Variants in SPATS2 observed in about 807,000 individuals in gnomAD.
SPATS2 encodes the protein spermatogenesis associated serine rich 2, also known as spermatogenesis-associated serine-rich protein 2.
Under a neutral mutation model 63.7 loss-of-function variants are expected in SPATS2, and 38 were observed. The observed-to-expected ratio is 0.60, with a 90% CI of 0.46 to 0.78. SPATS2 has a LOEUF of 0.78. SPATS2 is among the 30% of genes least tolerant of loss of function. The pLI, the probability that SPATS2 is intolerant of heterozygous loss-of-function variation, is 0.00. For missense variants in SPATS2, 588 were observed against 666.2 expected, an observed-to-expected ratio of 0.88 and a Z score of 1.29; for synonymous variants, 207 against 232.9, an observed-to-expected ratio of 0.89 and a Z score of 1.01.
intron 2 of SPATS2, among the ~76,000 whole-genome samples, chr12:49,437,277 C>G (rs1474354681): frequency 1.3e-5 from 2 of 151,382 alleles, no homozygotes; most frequent in East Asian, 2.0e-4. Flanking sequence ...GATGGGCGGC[C>G]TGGCAGAGAC....
intron 8 of SPATS2, among the ~76,000 whole-genome samples, chr12:49,499,399 GTT>G (rs1565752327): frequency 2.4e-5 from 3 of 122,788 alleles, no homozygotes; most frequent in African/African-American, 7.9e-5. Context: ...TGGTTGTTTT[GTT>G]TTGTTTTGTT....
intron 2 of SPATS2, among the ~76,000 whole-genome samples, chr12:49,455,094 G>GT (rs1945696046): frequency 1.3e-5 from 2 of 151,760 alleles, no homozygotes; most frequent in Non-Finnish European, 1.5e-5. Flanking sequence ...TTTTGGTTTT[G>GT]TTTTTTTAAT....
In SPATS2 at chr12:49,461,038, G is replaced by A; in HGVS notation, c.25+1G>A. 1 of 1,613,820 alleles carries A rather than the reference G, an allele frequency of 6.2e-7. No individual in the cohort carries two copies. The highest frequency in any genetic ancestry group is 8.5e-7 in the Non-Finnish European group (1 of 1,179,898). On this transcript the variant is annotated splice_donor_variant, in intron 3 of 13. Coordinates refer to ENST00000552918, the MANE Select transcript of SPATS2 (RefSeq NM_023071.4). LOFTEE classifies it high-confidence loss of function. ...ATGTCCAGGAAACAGAACCAGAAGG[G>A]TAAGATTACATGTGGGCATAAATTG...
At position 49,445,263 on chromosome 12, in the gene SPATS2, G is replaced by T. The variant is rs546521454; in HGVS notation, c.-243-15507G>T. Among the ~76,000 whole-genome samples, 3 of 152,164 alleles carry T rather than the reference G, an allele frequency of 2.0e-5. No individual in the cohort carries two copies. In the South Asian group the frequency reaches 6.2e-4, roughly 32 times the overall value. ...GTTTTTCATAGATGGCCTTTATAAA[G>T]GTGAGAACATTTCCCCTTTTTTAAA... On this transcript the variant is annotated intron_variant, in intron 2 of 13. Transcript: ENST00000552918.
At chr12:49,467,738 G>A (rs748334674) in intron 3 of SPATS2, among the ~76,000 whole-genome samples, 9 of 151,674 alleles carry the variant, frequency 5.9e-5, no homozygotes, top group African/African-American at 1.2e-4. Context: ...TCGCTCTGTC[G>A]CCCAGGCTAG....
At chr12:49,516,756 A>C (rs1333837504) in intron 10 of SPATS2, among the ~76,000 whole-genome samples, 1 of 152,058 alleles carries the variant, frequency 6.6e-6, no homozygotes, top group Non-Finnish European at 1.5e-5. Context: ...TAGCGAGGCT[A>C]ATGTAACAAA....
intron 2 of SPATS2, chr12:49,389,536 G>A: frequency 1.1e-6 from 1 of 950,784 alleles, no homozygotes; most frequent in South Asian, 1.3e-5. Flanking sequence ...CAATTGAGAA[G>A]GCACTTGCTG....
At chr12:49,378,066 G>A (rs987267789) in intron 2 of SPATS2, among the ~76,000 whole-genome samples, 1 of 152,102 alleles carries the variant, frequency 6.6e-6, no homozygotes, top group African/African-American at 2.4e-5. Context: ...TCCAGCTCCA[G>A]GGTTCAAGCG....
intron 2 of SPATS2, among the ~76,000 whole-genome samples, chr12:49,440,901 G>A (rs1945406721): frequency 6.6e-6 from 1 of 152,182 alleles, no homozygotes; most frequent in South Asian, 2.1e-4. Context: ...TCTCAGTTAA[G>A]TATTTCAGGA....
At chr12:49,462,672 T>C in intron 3 of SPATS2, 2 of 573,048 alleles carry the variant, frequency 3.5e-6, no homozygotes, top group Non-Finnish European at 6.2e-6. Flanking sequence ...TGAAAGTGGC[T>C]TTTAGCAGGA....
chr12:49,489,838 T>G (rs1191001044), intron 5 of SPATS2, among the ~76,000 whole-genome samples: 7 of 152,204 alleles, frequency 4.6e-5, no homozygotes, highest in Non-Finnish European at 4.4e-5. Context: ...TGGCCAGTGG[T>G]ATAAGGGACT....
At chr12:49,429,820 A>C in intron 2 of SPATS2, among the ~76,000 whole-genome samples, 2 of 133,984 alleles carry the variant, frequency 1.5e-5, no homozygotes, top group African/African-American at 2.8e-5. Context: ...TCACTCTGTC[A>C]CCCAGGCTGG....
intron 6 of SPATS2, among the ~76,000 whole-genome samples, chr12:49,491,738 T>C (rs948841746): frequency 3.9e-5 from 6 of 152,192 alleles, no homozygotes; most frequent in African/African-American, 1.4e-4. Flanking sequence ...TTCTAATAAA[T>C]ACAAATACAT....
intron 3 of SPATS2, among the ~76,000 whole-genome samples, chr12:49,476,496 C>T (rs1249675883): frequency 6.6e-6 from 1 of 152,182 alleles, no homozygotes; most frequent in African/African-American, 2.4e-5. Flanking sequence ...TGTGATAAGA[C>T]AGGGGTCTAA....
chr12:49,398,472 T>C (rs1045453274), intron 2 of SPATS2, among the ~76,000 whole-genome samples: 4 of 152,064 alleles, frequency 2.6e-5, no homozygotes, highest in Non-Finnish European at 5.9e-5. Context: ...TTCAAGAGAA[T>C]TTAGAAATAG....
chr12:49,492,255 T>C (rs1946394998), intron 6 of SPATS2, among the ~76,000 whole-genome samples: 1 of 151,796 alleles, frequency 6.6e-6, no homozygotes, highest in African/African-American at 2.4e-5. Flanking sequence ...AGTTTTGCTC[T>C]GTCGCCCAGG....
intron 10 of SPATS2, 138 bp downstream of exon 10, chr12:49,514,751 G>C: frequency 3.1e-6 from 2 of 648,166 alleles, no homozygotes; most frequent in Non-Finnish European, 5.0e-6. Context: ...CAGTTGCACT[G>C]TACTGGCATA....
At chr12:49,435,089 G>A (rs1945250524) in intron 2 of SPATS2, among the ~76,000 whole-genome samples, 1 of 142,068 alleles carries the variant, frequency 7.0e-6, no homozygotes. Flanking sequence ...GGAGTGCAGT[G>A]GCGCAATCTC....
At chr12:49,395,259 A>G (rs1364114817) in intron 2 of SPATS2, among the ~76,000 whole-genome samples, 1 of 151,854 alleles carries the variant, frequency 6.6e-6, no homozygotes, top group African/African-American at 2.4e-5. Context: ...TGGCCTTCCA[A>G]AGTGCTGGGA....
Sources: allele counts gnomAD v4.1 joint callset (sites outside exome capture counted in the v4.1 genomes callset), GRCh38; gene constraint gnomAD v4.1.1; transcripts MANE v1.5; gene names NCBI Gene and HGNC (gene_info 2026-07-23, HGNC 2026-07-21).